RPTOR: variants seen among roughly 807,000 people sequenced by gnomAD.
RPTOR encodes the protein regulatory-associated protein of mTOR.
Under a neutral mutation model 169.9 loss-of-function variants are expected in RPTOR, and 21 were observed. The observed-to-expected ratio is 0.12, with a 90% CI of 0.09 to 0.18. The LOEUF (loss-of-function observed/expected upper bound fraction) is 0.18, where lower values mean the gene tolerates loss of function less well. RPTOR is among the 10% of genes least tolerant of loss of function. The pLI is 1.00. For synonymous variants in RPTOR, 732 were observed against 753.2 expected (o/e 0.97, Z 0.46); for missense variants, 1,133 against 1,855.9 (o/e 0.61, Z 7.16).
At chr17:80,612,038 G>A (rs147297716) in intron 1 of RPTOR, among the ~76,000 whole-genome samples, 1 of 152,172 alleles carries the variant, frequency 6.6e-6, no homozygotes, top group African/African-American at 2.4e-5. Context: ...CTTCATAAGT[G>A]TTGTTGATGA....
Position 80,545,649 on chromosome 17 carries a change from A to C in RPTOR, c.20A>C (p.Gln7Pro). Residue 7 changes from glutamine to proline, a missense_variant, in exon 1 of 34, where the codon CAA becomes CCA. Gln to Pro is a moderately conservative substitution (Grantham distance 76). Coordinates refer to ENST00000306801, the MANE Select transcript of RPTOR (RefSeq NM_020761.3). ...CCACTGATGGAGTCCGAAATGCTGCAATCGCCTCTTCTGGGCCTGGGGGAG... is the reference window on the plus strand; with the variant it reads ...CCACTGATGGAGTCCGAAATGCTGCCATCGCCTCTTCTGGGCCTGGGGGAG... MESEML[Q>P]SPLLGLGEED... 2 of 1,612,602 alleles carry C rather than the reference A, an allele frequency of 1.2e-6. No homozygotes were observed. The highest frequency in any genetic ancestry group is 2.2e-5 in the South Asian group (2 of 90,960).
At chr17:80,564,252 T>G (rs1010792976) in intron 1 of RPTOR, among the ~76,000 whole-genome samples, 32 of 152,072 alleles carry the variant, frequency 2.1e-4, no homozygotes, top group Middle Eastern at 3.4e-3. Context: ...TTAGTAGAGA[T>G]GGGGTTTTAC....
chr17:80,592,160 C>T (rs1280483141), intron 1 of RPTOR, among the ~76,000 whole-genome samples: 2 of 152,036 alleles, frequency 1.3e-5, no homozygotes, highest in East Asian at 3.8e-4. Flanking sequence ...TGGCCTAGTT[C>T]AGAAATAGAA....
chr17:80,923,245 C>A (rs1006984239), intron 22 of RPTOR, among the ~76,000 whole-genome samples: 1 of 152,210 alleles, frequency 6.6e-6, no homozygotes. Flanking sequence ...TCCGCGCCAC[C>A]TCCCAGGGTG....
chr17:80,573,112 T>C (rs971885506), intron 1 of RPTOR, among the ~76,000 whole-genome samples: 1 of 152,192 alleles, frequency 6.6e-6, no homozygotes, highest in African/African-American at 2.4e-5. Context: ...TGGGACTTGC[T>C]GTTTATCCCA....
At chr17:80,753,028 AAG>A (rs1175398658) in intron 5 of RPTOR, among the ~76,000 whole-genome samples, 1 of 152,164 alleles carries the variant, frequency 6.6e-6, no homozygotes, top group African/African-American at 2.4e-5. Context: ...CCCTACTTTA[AAG>A]AGAGATTAAA....
At chr17:80,900,463 C>G (rs1220513015) in intron 20 of RPTOR, among the ~76,000 whole-genome samples, 2 of 152,176 alleles carry the variant, frequency 1.3e-5, no homozygotes, top group East Asian at 1.9e-4. Context: ...ATTACAGGCG[C>G]ATGCCACCAC....
intron 3 of RPTOR, among the ~76,000 whole-genome samples, chr17:80,686,910 C>G (rs1429063891): frequency 2.0e-5 from 3 of 152,202 alleles, no homozygotes; most frequent in Non-Finnish European, 4.4e-5. Flanking sequence ...AAAGCAGATG[C>G]CATGCGAGTT....
At chr17:80,713,542 G>C (rs2066214382) in intron 4 of RPTOR, among the ~76,000 whole-genome samples, 1 of 152,136 alleles carries the variant, frequency 6.6e-6, no homozygotes, top group South Asian at 2.1e-4. Flanking sequence ...AAAAAAGCAT[G>C]ATCAAACCTT....
chr17:80,840,307 A>C (rs1255959563), intron 10 of RPTOR, among the ~76,000 whole-genome samples: 1 of 146,460 alleles, frequency 6.8e-6, no homozygotes, highest in Non-Finnish European at 1.5e-5. Flanking sequence ...GCTCACACTC[A>C]CCGCACGGCA....
At chr17:80,549,068 C>T (rs775238811) in intron 1 of RPTOR, among the ~76,000 whole-genome samples, 24 of 152,214 alleles carry the variant, frequency 1.6e-4, no homozygotes, top group Non-Finnish European at 1.5e-4. Context: ...TGGCATCCTT[C>T]CAGAGCTACA....
chr17:80,778,984 GT>G (rs2066915158), intron 6 of RPTOR, among the ~76,000 whole-genome samples: 1 of 152,204 alleles, frequency 6.6e-6, no homozygotes, highest in Admixed American at 6.5e-5. Context: ...ATCGCCAGGT[GT>G]TTGGACCATA....
chr17:80,930,300 T>C (rs901038290), intron 24 of RPTOR, among the ~76,000 whole-genome samples: 61 of 4,658 alleles, frequency 0.013, no homozygotes, highest in African/African-American at 0.024. Context: ...TTAGCTCATC[T>C]TCAGCTCATC....
At chr17:80,648,244 G>A (rs1007231393) in intron 3 of RPTOR, among the ~76,000 whole-genome samples, 12 of 152,184 alleles carry the variant, frequency 7.9e-5, no homozygotes. Flanking sequence ...CCTGTTGGGA[G>A]GAGGGGGTTT....
In RPTOR at chr17:80,885,099, C is replaced by T. The variant is rs2143844631; in HGVS notation, c.1934C>T (p.Ala645Val). 3.1e-6 allele frequency: 5 copies of T among 1,588,098 alleles called. No homozygotes were observed. Among genetic ancestry groups the T allele is most frequent in the Non-Finnish European group, 4.3e-6 (5 of 1,168,114 alleles). Residue 645 changes from alanine (A) to valine (V), a missense_variant, in exon 17 of 34, where the codon GCC (alanine) becomes GTC (valine). Ala to Val is a moderately conservative substitution (Grantham distance 64, BLOSUM62 0). This residue lies in a region of RPTOR where 289 missense variants were observed against 585.8 expected (regional missense o/e 0.49). Coordinates refer to ENST00000306801, the MANE Select transcript of RPTOR (RefSeq NM_020761.3). ...TCCACCACCATCGACCACAACGTGGCCATGATGCTGGCCCAGCTGGTCAGC... is the reference window on the plus strand; with the variant it reads ...TCCACCACCATCGACCACAACGTGGTCATGATGCTGGCCCAGCTGGTCAGC... ...DHSTTIDHNV[A>V]MMLAQLVSDG...
intron 6 of RPTOR, among the ~76,000 whole-genome samples, chr17:80,779,422 G>A (rs1356590594): frequency 1.3e-5 from 2 of 152,292 alleles, no homozygotes; most frequent in Middle Eastern, 3.4e-3. Flanking sequence ...ACTTGCAGTC[G>A]GCGAGGAACT....
At chr17:80,756,638 C>G (rs1029947749) in intron 6 of RPTOR, among the ~76,000 whole-genome samples, 1 of 152,040 alleles carries the variant, frequency 6.6e-6, no homozygotes, top group Non-Finnish European at 1.5e-5. Context: ...ATTAGGTGAG[C>G]GCTCATAGTA....
rs781190662 is a variant in RPTOR, at chr17:80,893,826, C to T, written c.2362C>T (p.Arg788Cys). 1.4e-5 allele frequency: 22 copies of T among 1,536,894 alleles called. No individual in the cohort carries two copies. Among genetic ancestry groups the T allele is most frequent in the Non-Finnish European group, 1.8e-5 (20 of 1,138,238 alleles). The change falls in exon 20 of 34, where the codon CGC becomes TGC. Residue 788 changes from arginine (R) to cysteine (C), a missense_variant. Arg to Cys is a radical substitution (Grantham distance 180, BLOSUM62 -3). Around this residue, in one of 9 missense-constraint regions of RPTOR, gnomAD observed 150 missense variants for 206.4 expected, o/e 0.73. Transcript: ENST00000306801. The stretch of plus-strand genomic sequence containing the variant: ...GTCCTTCGAGACCATCGACAAGATG[C>T]GCCGCGCCAGCTCCTACTCCTCCCT... ...ILSFETIDKMRRASSYSSLNS... is the reference protein window; with the variant it reads ...ILSFETIDKMCRASSYSSLNS...
intron 3 of RPTOR, among the ~76,000 whole-genome samples, chr17:80,693,346 G>C (rs960218857): frequency 6.6e-6 from 1 of 152,238 alleles, no homozygotes; most frequent in Non-Finnish European, 1.5e-5. Flanking sequence ...GCTCCCAGCG[G>C]AGATGGTGTT....
Sources: gnomAD v4.1 joint callset for allele counts (sites outside exome capture counted in the v4.1 genomes callset) on GRCh38, gnomAD v4.1.1 for gene constraint, gnomAD v4.1.1 regional missense constraint, MANE v1.5 for transcripts, NCBI Gene and HGNC (gene_info 2026-07-23, HGNC 2026-07-21) for gene names.